Variants in GABRB1 observed in about 807,000 individuals in gnomAD.
GABRB1 encodes gamma-aminobutyric acid receptor subunit beta-1.
A neutral mutation model predicts 51.6 loss-of-function variants in GABRB1; 17 were observed. The observed-to-expected ratio is 0.33, with a 90% CI of 0.23 to 0.49. The LOEUF (loss-of-function observed/expected upper bound fraction) is 0.49, where lower values mean the gene tolerates loss of function less well. Ranked by LOEUF, GABRB1 falls within the 20% of genes least tolerant of loss-of-function variation. The pLI is 0.99. For synonymous variants in GABRB1, 247 were observed against 218.9 expected (o/e 1.13, Z -1.14); for missense variants, 410 against 600.6 (o/e 0.68, Z 3.32).
At chr4:47,368,967 G>A (rs1727088993) in intron 5 of GABRB1, among the ~76,000 whole-genome samples, 1 of 152,068 alleles carries the variant, frequency 6.6e-6, no homozygotes, top group South Asian at 2.1e-4. Context: ...AATTAGCTGA[G>A]CATGGTGGCA....
chr4:47,160,402 T>C (rs1717891203), intron 3 of GABRB1, among the ~76,000 whole-genome samples: 1 of 152,164 alleles, frequency 6.6e-6, no homozygotes, highest in South Asian at 2.1e-4. Context: ...GACTCATCCA[T>C]CGATAAGTTG....
chr4:47,370,304 T>A (rs558743428), intron 5 of GABRB1, among the ~76,000 whole-genome samples: 168 of 152,228 alleles, frequency 1.1e-3, no homozygotes, highest in Non-Finnish European at 2.0e-3. Flanking sequence ...CTGGACAACA[T>A]GGTGAAACCC....
intron 4 of GABRB1, among the ~76,000 whole-genome samples, chr4:47,168,641 T>A (rs947540220): frequency 2.0e-5 from 3 of 152,150 alleles, no homozygotes; most frequent in African/African-American, 7.2e-5. Flanking sequence ...CTGTCTTCTT[T>A]GATGATACGA....
At chr4:47,287,620 T>C (rs554915168) in intron 4 of GABRB1, among the ~76,000 whole-genome samples, 1 of 152,372 alleles carries the variant, frequency 6.6e-6, no homozygotes, top group African/African-American at 2.4e-5. Context: ...CTTTCTGATA[T>C]TCACATCAAT....
intron 4 of GABRB1, among the ~76,000 whole-genome samples, chr4:47,290,106 T>A (rs955680264): frequency 1.3e-5 from 2 of 152,224 alleles, no homozygotes; most frequent in Non-Finnish European, 2.9e-5. Flanking sequence ...TTAGTTAGAT[T>A]CAAATTAATG....
intron 3 of GABRB1, among the ~76,000 whole-genome samples, chr4:47,137,802 A>G (rs1455059620): frequency 1.3e-5 from 2 of 152,154 alleles, no homozygotes; most frequent in African/African-American, 4.8e-5. Context: ...AATACAAATC[A>G]GTTAAATCAC....
intron 3 of GABRB1, among the ~76,000 whole-genome samples, chr4:47,141,476 C>T (rs1716931219): frequency 6.6e-6 from 1 of 151,930 alleles, no homozygotes; most frequent in Non-Finnish European, 1.5e-5. Context: ...TGGGATCATT[C>T]ACATTTTGTA....
intron 5 of GABRB1, among the ~76,000 whole-genome samples, chr4:47,375,431 A>G (rs2110023082): frequency 6.6e-6 from 1 of 152,346 alleles, no homozygotes. Context: ...GGTCAGTGTT[A>G]TCAGTGGGAG....
intron 4 of GABRB1, among the ~76,000 whole-genome samples, chr4:47,178,926 T>C (rs974720171): frequency 1.3e-5 from 2 of 152,020 alleles, no homozygotes; most frequent in Non-Finnish European, 2.9e-5. Context: ...TGGCAAGAAA[T>C]GTAACATGTT....
In GABRB1 at chr4:47,171,713, G is replaced by T. The variant is rs566128119; in HGVS notation, c.461+10244G>T. ...GCATTTTATTAAAATTAAAAAATTT[G>T]TATTCATGTTCCATTTACAATGATA... On this transcript the variant is annotated intron_variant, in intron 4 of 8. Transcript: ENST00000295454. 5.9e-5 allele frequency among the ~76,000 whole-genome samples: 9 copies of T among 152,140 alleles called. No homozygotes were observed. The South Asian group carries it at 1.9e-3, about 32-fold the overall frequency.
At chr4:47,331,239 G>C (rs1725469212) in intron 5 of GABRB1, among the ~76,000 whole-genome samples, 1 of 152,088 alleles carries the variant, frequency 6.6e-6, no homozygotes, top group Non-Finnish European at 1.5e-5. Context: ...TGGGTGGAGA[G>C]AGGAAGGGAA....
At chr4:47,424,460 C>A (rs1365601590) in intron 8 of GABRB1, among the ~76,000 whole-genome samples, 2 of 152,226 alleles carry the variant, frequency 1.3e-5, no homozygotes, top group African/African-American at 4.8e-5. Flanking sequence ...GTTGCACCAT[C>A]ATGTGCTATC....
chr4:46,998,569 T>C (rs1724077130), intron 1 of GABRB1, among the ~76,000 whole-genome samples: 1 of 151,490 alleles, frequency 6.6e-6, no homozygotes, highest in Non-Finnish European at 1.5e-5. Flanking sequence ...CCGTCTCTAC[T>C]AAAAATACAA....
chr4:47,039,745 A>G (rs1024619870), intron 3 of GABRB1, among the ~76,000 whole-genome samples: 11 of 152,310 alleles, frequency 7.2e-5, no homozygotes, highest in Non-Finnish European at 1.5e-4. Context: ...AAGAAAGGGC[A>G]TATGCACTGG....
chr4:47,305,161 C>T (rs898558542), intron 4 of GABRB1, among the ~76,000 whole-genome samples: 17 of 152,016 alleles, frequency 1.1e-4, no homozygotes, highest in Non-Finnish European at 1.9e-4. Context: ...GTGTTTTAGC[C>T]GCCTCTCTCT....
chr4:47,305,772 A>C (rs1194639948), intron 4 of GABRB1, among the ~76,000 whole-genome samples: 1 of 152,200 alleles, frequency 6.6e-6, no homozygotes, highest in Non-Finnish European at 1.5e-5. Flanking sequence ...TTAGGTATAG[A>C]GTCAATGTGA....
intron 5 of GABRB1, among the ~76,000 whole-genome samples, chr4:47,384,736 A>G (rs974005243): frequency 1.3e-5 from 2 of 152,192 alleles, no homozygotes; most frequent in Non-Finnish European, 2.9e-5. Flanking sequence ...TTACTTGTCC[A>G]TGATCTTATT....
intron 4 of GABRB1, among the ~76,000 whole-genome samples, chr4:47,277,224 C>A (rs1209823207): frequency 6.6e-6 from 1 of 152,004 alleles, no homozygotes; most frequent in African/African-American, 2.4e-5. Context: ...GTGGATGGAA[C>A]TGGAGATTAT....
At chr4:47,311,234 A>G (rs2109952419) in intron 4 of GABRB1, among the ~76,000 whole-genome samples, 1 of 116,084 alleles carries the variant, frequency 8.6e-6, no homozygotes, top group Non-Finnish European at 1.7e-5. Flanking sequence ...TCTCTACTAA[A>G]AATACAACAA....
Sources: allele counts gnomAD v4.1 joint callset (sites outside exome capture counted in the v4.1 genomes callset), GRCh38; gene constraint gnomAD v4.1.1; transcripts MANE v1.5; gene names NCBI Gene and HGNC (gene_info 2026-07-23, HGNC 2026-07-21).